The following SCAF8 variants were observed in gnomAD, a reference collection of about 807,000 sequenced individuals.
SCAF8 encodes SR-related CTD associated factor 8.
In SCAF8, 23 loss-of-function variants were observed where a neutral mutation model predicts 140.5. The observed-to-expected ratio is 0.16, with a 90% CI of 0.12 to 0.23. The LOEUF (loss-of-function observed/expected upper bound fraction) is 0.23. Among genes scored for constraint, SCAF8 ranks in the 10% least tolerant of loss-of-function variants. The probability of loss-of-function intolerance (pLI) is 1.00; values close to 1 mark genes in which losing one functional copy is unlikely to be tolerated. For missense variants in SCAF8, 1,397 were observed against 1,555.7 expected, an observed-to-expected ratio of 0.90 and a Z score of 1.72; for synonymous variants, 575 against 528.9, an observed-to-expected ratio of 1.09 and a Z score of -1.20.
intron 5 of SCAF8, 112 bp from the exon 6 acceptor site, chr6:154,794,894 AAAC>A (rs1441626304): frequency 4.2e-6 from 4 of 957,684 alleles, no homozygotes; most frequent in Middle Eastern, 3.5e-4. Flanking sequence ...AATAAAATAA[AAAC>A]AATATGCGTG....
rs1232218428 is a variant in SCAF8, at chr6:154,803,478, A to G, written c.784-66A>G. 18 of 1,054,340 alleles carry G rather than the reference A, an allele frequency of 1.7e-5. No homozygotes were observed. The East Asian group carries it at 4.1e-4, about 24-fold the overall frequency. 65.3% of individuals were successfully genotyped at this position (1,054,340 alleles called of 1,614,324 possible). A position where few individuals can be genotyped will look rare whatever the true frequency, so the allele number is the denominator to read the frequency against. On this transcript the variant is annotated intron_variant, in intron 7 of 19. Coordinates refer to ENST00000367178, the MANE Select transcript of SCAF8 (RefSeq NM_014892.5). Reference sequence around the variant, plus strand: ...ACGGAATGCCATTGACATTTAAAATAGCATTTGTAACTTGTATTTGTGTGA... The same window carrying G: ...ACGGAATGCCATTGACATTTAAAATGGCATTTGTAACTTGTATTTGTGTGA...
intron 1 of SCAF8, among the ~76,000 whole-genome samples, chr6:154,754,706 T>C (rs1778921018): frequency 6.6e-6 from 1 of 152,250 alleles, no homozygotes; most frequent in Non-Finnish European, 1.5e-5. Flanking sequence ...GTCTCATTTC[T>C]GAAATGGTTT....
rs771564073 is a variant in SCAF8, at chr6:154,833,139, G to C, written c.3560G>C (p.Trp1187Ser). ...RLGRDRIQNT[W>S]VPPPHARVFD... ...GGACGAGACAGAATTCAAAACACTT[G>C]GGTTCCCCCTCCTCATGCTCGGGTT... is the stretch of plus-strand genomic sequence containing the variant. Residue 1187 changes from tryptophan to serine, a missense_variant, in exon 20 of 20, where the codon TGG becomes TCG. Physicochemically the swap from Trp to Ser is radical, Grantham distance 177. Coordinates refer to ENST00000367178, the MANE Select transcript of SCAF8 (RefSeq NM_014892.5). The C allele has an allele frequency of 1.2e-6, 2 of 1,614,074 alleles. No homozygotes were observed. The highest frequency in any genetic ancestry group is 1.7e-6 in the Non-Finnish European group (2 of 1,179,998).
chr6:154,815,474 G>T (rs576422147), intron 12 of SCAF8, among the ~76,000 whole-genome samples: 1 of 152,178 alleles, frequency 6.6e-6, no homozygotes, highest in African/African-American at 2.4e-5. Context: ...GATGGTTCAG[G>T]TGTGCAGCCA....
chr6:154,827,909 CAG>C (rs1189270754), intron 18 of SCAF8, among the ~76,000 whole-genome samples: 1 of 150,056 alleles, frequency 6.7e-6, no homozygotes, highest in Non-Finnish European at 1.5e-5. Context: ...GCCAAAAGTA[CAG>C]AGGATTCCCA....
intron 6 of SCAF8, among the ~76,000 whole-genome samples, chr6:154,800,742 C>T (rs2114896536): frequency 6.6e-6 from 1 of 151,478 alleles, no homozygotes; most frequent in African/African-American, 2.4e-5. Flanking sequence ...TTTTAAAAAA[C>T]CGATGTGTAC....
chr6:154,759,179 C>G (rs1012559898), intron 1 of SCAF8, among the ~76,000 whole-genome samples: 1 of 152,162 alleles, frequency 6.6e-6, no homozygotes, highest in African/African-American at 2.4e-5. Flanking sequence ...GAGTTGTCAT[C>G]AGTGCGAAAG....
chr6:154,802,018 G>T lies in SCAF8; in HGVS notation c.654G>T (p.Gln218His). The change falls in exon 7 of 20, where the codon CAG (glutamine) becomes CAT (histidine). Residue 218 changes from glutamine to histidine, a missense_variant. Coordinates refer to ENST00000367178, the MANE Select transcript of SCAF8 (RefSeq NM_014892.5). ...TACAGATACAACAACAGAAGCCCCAGCCTTCCATTCTGCAGGCCCTAGATG... is the reference window on the plus strand; with the variant it reads ...TACAGATACAACAACAGAAGCCCCATCCTTCCATTCTGCAGGCCCTAGATG... ...QTLQIQQQKP[Q>H]PSILQALDAG... The T allele has an allele frequency of 6.2e-7, 1 of 1,610,336 alleles. No homozygotes were observed. The highest frequency in any genetic ancestry group is 8.5e-7 in the Non-Finnish European group (1 of 1,178,178).
intron 2 of SCAF8, among the ~76,000 whole-genome samples, chr6:154,777,623 G>A (rs1776954762): frequency 6.6e-6 from 1 of 152,156 alleles, no homozygotes; most frequent in Non-Finnish European, 1.5e-5. Context: ...AAATCATACT[G>A]TATGAAATCT....
chr6:154,770,386 A>ACACT (rs1314136273), intron 1 of SCAF8, among the ~76,000 whole-genome samples: 1 of 133,428 alleles, frequency 7.5e-6, no homozygotes, highest in Non-Finnish European at 1.6e-5. Context: ...ACACACACAC[A>ACACT]CACTCTCTCT....
chr6:154,741,339 A>G (rs1224516303), intron 1 of SCAF8, among the ~76,000 whole-genome samples: 1 of 152,154 alleles, frequency 6.6e-6, no homozygotes, highest in Non-Finnish European at 1.5e-5. Flanking sequence ...AATTTGTTAT[A>G]GTAATTGTGA....
rs116909161 is a variant in SCAF8 at position 154,792,189 on chromosome 6, G to A, written c.322-634G>A. On this transcript the variant is annotated intron_variant, in intron 4 of 19. Coordinates refer to ENST00000367178, the MANE Select transcript of SCAF8 (RefSeq NM_014892.5). ...TAAAGAATAAAGAAGAGGGAATGAA[G>A]AGAGAAGAAATGGTTACGCTTCAGA... is the stretch of plus-strand genomic sequence containing the variant. 1.7e-4 allele frequency among the ~76,000 whole-genome samples: 26 copies of A among 152,210 alleles called. 1 individual carries two copies. The East Asian group carries it at 5.0e-3, about 29-fold the overall frequency.
At chr6:154,776,339 A>G (rs143736690) in intron 2 of SCAF8, among the ~76,000 whole-genome samples, 176 of 151,928 alleles carry the variant, frequency 1.2e-3, no homozygotes, top group Middle Eastern at 6.8e-3. Context: ...CATTTTATCA[A>G]TCAGATTTAA....
intron 1 of SCAF8, among the ~76,000 whole-genome samples, chr6:154,762,979 A>G (rs1776450428): frequency 6.6e-6 from 1 of 152,148 alleles, no homozygotes; most frequent in Non-Finnish European, 1.5e-5. Flanking sequence ...CTGCCCTGTA[A>G]TACCTCTATT....
At chr6:154,826,704 T>G (rs1451391994) in intron 17 of SCAF8, among the ~76,000 whole-genome samples, 1 of 152,140 alleles carries the variant, frequency 6.6e-6, no homozygotes, top group Non-Finnish European at 1.5e-5. Context: ...AAACATAGAC[T>G]CGGTATCTAA....
At position 154,800,047 on chromosome 6, in the gene SCAF8, A is replaced by G. The variant is rs1483845196; in HGVS notation, c.607-1924A>G. Among the ~76,000 whole-genome samples the G allele has an allele frequency of 8.6e-5, 13 of 151,274 alleles. No homozygotes were observed. In the East Asian group the frequency reaches 1.2e-3, roughly 13 times the overall value. ...GTGATCCGCCCGCCTCGGCCTTCCA[A>G]AGTACTGGGATTATAGACATGAGCC... On this transcript the variant is annotated intron_variant, in intron 6 of 19. Transcript: ENST00000367178.
At chr6:154,776,105 CGTT>C (rs1357578575) in intron 2 of SCAF8, among the ~76,000 whole-genome samples, 5 of 151,892 alleles carry the variant, frequency 3.3e-5, no homozygotes, top group African/African-American at 1.2e-4. Context: ...AACATTTTAA[CGTT>C]GTTGCATTGT....
chr6:154,754,916 A>G (rs1353739244), intron 1 of SCAF8, among the ~76,000 whole-genome samples: 4 of 152,150 alleles, frequency 2.6e-5, no homozygotes, highest in African/African-American at 7.2e-5. Flanking sequence ...TTGTCACCTC[A>G]TGTCTAAACT....
At chr6:154,820,751 A>G (rs1421077891) in intron 15 of SCAF8, among the ~76,000 whole-genome samples, 2 of 152,182 alleles carry the variant, frequency 1.3e-5, no homozygotes, top group African/African-American at 4.8e-5. Flanking sequence ...GGGAGTTCAG[A>G]TGCATACAAT....
Sources: gnomAD v4.1 joint callset for allele counts (sites outside exome capture counted in the v4.1 genomes callset) on GRCh38, gnomAD v4.1.1 for gene constraint, MANE v1.5 for transcripts, NCBI Gene and HGNC (gene_info 2026-07-23, HGNC 2026-07-21) for gene names.